TSPAN15: variants seen among roughly 807,000 people sequenced by gnomAD.
TSPAN15 encodes the protein tetraspanin-15.
TSPAN15 carries 20 observed loss-of-function variants against 34.5 expected under a neutral mutation model. The observed-to-expected ratio is 0.58, with a 90% CI of 0.41 to 0.84. The LOEUF (loss-of-function observed/expected upper bound fraction) is 0.84. TSPAN15 is among the 40% of genes least tolerant of loss of function. TSPAN15 has a pLI of 0.00. For missense variants in TSPAN15, 313 were observed against 386.1 expected (o/e 0.81, Z 1.59); for synonymous variants, 155 against 153.9 (o/e 1.01, Z -0.05).
At chr10:69,474,118 G>A (rs997619927) in intron 1 of TSPAN15, among the ~76,000 whole-genome samples, 6 of 152,038 alleles carry the variant, frequency 3.9e-5, no homozygotes, top group Non-Finnish European at 5.9e-5. Context: ...TCACATCCTC[G>A]GCTCCTGCTG....
intron 3 of TSPAN15, among the ~76,000 whole-genome samples, chr10:69,494,392 A>G (rs2133135684): frequency 6.6e-6 from 1 of 152,344 alleles, no homozygotes; most frequent in South Asian, 2.1e-4. Flanking sequence ...ACACCTTCAC[A>G]GCTTTTGTTT....
At chr10:69,528,989 G>A in the TSPAN15 span, among the ~76,000 whole-genome samples, 1 of 148,178 alleles carries the variant, frequency 6.7e-6, no homozygotes, top group African/African-American at 2.5e-5. Flanking sequence ...ACCCTCCCTG[G>A]CCTGAAGGTG....
downstream of TSPAN15, among the ~76,000 whole-genome samples, chr10:69,511,004 G>A (rs190197191): frequency 4.3e-4 from 65 of 152,228 alleles, no homozygotes; most frequent in African/African-American, 1.5e-3. Context: ...TTTTTGCATC[G>A]TTGTTCATCA....
intron 4 of TSPAN15, among the ~76,000 whole-genome samples, chr10:69,497,285 T>G (rs989928177): frequency 3.3e-5 from 5 of 152,182 alleles, no homozygotes; most frequent in African/African-American, 1.2e-4. Context: ...CAGCCCTGGT[T>G]GAGCCCTCCA....
At chr10:69,458,689 A>G (rs1841170710) in intron 1 of TSPAN15, among the ~76,000 whole-genome samples, 1 of 152,166 alleles carries the variant, frequency 6.6e-6, no homozygotes, top group African/African-American at 2.4e-5. Flanking sequence ...GTCTGGCCAC[A>G]GAGCCTTTAA....
chr10:69,530,812 CTCTCTCTCTATATATATATA>C, the TSPAN15 span, among the ~76,000 whole-genome samples: 411 of 66,654 alleles, frequency 6.2e-3, 5 homozygotes, highest in East Asian at 0.028. Flanking sequence ...CTCTCTCTCT[CTCTCTCTCTATATATATATA>C]TATATATATA....
chr10:69,494,516 G>C (rs1842035600), intron 3 of TSPAN15: 16 of 424,064 alleles, frequency 3.8e-5, no homozygotes, highest in Non-Finnish European at 5.0e-5. Context: ...GGTGGCTGTA[G>C]GGAGGTGTCC....
the TSPAN15 span, among the ~76,000 whole-genome samples, chr10:69,517,580 A>T: frequency 6.6e-6 from 1 of 152,194 alleles, no homozygotes; most frequent in Non-Finnish European, 1.5e-5. Flanking sequence ...CTGGATAGAG[A>T]GTGGGCAGTG....
At chr10:69,482,328 A>G (rs1841751444) in intron 1 of TSPAN15, among the ~76,000 whole-genome samples, 1 of 152,238 alleles carries the variant, frequency 6.6e-6, no homozygotes, top group Admixed American at 6.5e-5. Flanking sequence ...CCCTGGGGTG[A>G]GCACACATGG....
chr10:69,485,677 GAA>G (rs1482868864), intron 3 of TSPAN15, among the ~76,000 whole-genome samples: 2 of 152,122 alleles, frequency 1.3e-5, no homozygotes, highest in African/African-American at 4.8e-5. Flanking sequence ...TCTTATGTGG[GAA>G]GCGATGTGAC....
chr10:69,499,532 T>TATTCATTC (rs543895631), intron 5 of TSPAN15, among the ~76,000 whole-genome samples: 3 of 152,242 alleles, frequency 2.0e-5, no homozygotes, highest in Non-Finnish European at 2.9e-5. Flanking sequence ...GCCAAACTTG[T>TATTCATTC]ATTCATTCAT....
intron 1 of TSPAN15, among the ~76,000 whole-genome samples, chr10:69,453,899 TAA>T (rs568172424): frequency 3.2e-4 from 49 of 152,296 alleles, no homozygotes; most frequent in African/African-American, 1.1e-3. Context: ...TATTTCTGTT[TAA>T]AAGTCTCTAC....
In TSPAN15 at chr10:69,468,708, C is replaced by A. The variant is rs1195539955; in HGVS notation, c.97-14983C>A. 3.3e-5 allele frequency among the ~76,000 whole-genome samples: 5 copies of A among 151,894 alleles called. No individual in the cohort carries two copies. The East Asian group carries it at 7.7e-4, about 23-fold the overall frequency. On this transcript the variant is annotated intron_variant, in intron 1 of 7. Transcript: ENST00000373290. Reference sequence around the variant, plus strand: ...CGTTGTGACCCCACTCCTCTAAATACCCCAGCATTCGCCTTCCCAGAAAGG... The same window carrying A: ...CGTTGTGACCCCACTCCTCTAAATAACCCAGCATTCGCCTTCCCAGAAAGG...
chr10:69,488,387 A>C (rs932482111), intron 3 of TSPAN15, among the ~76,000 whole-genome samples: 8 of 152,134 alleles, frequency 5.3e-5, no homozygotes, highest in African/African-American at 1.9e-4. Flanking sequence ...TGATTTCCCA[A>C]TTCCATTTTT....
At chr10:69,478,713 G>T (rs769486716) in intron 1 of TSPAN15, among the ~76,000 whole-genome samples, 1 of 152,130 alleles carries the variant, frequency 6.6e-6, no homozygotes, top group Non-Finnish European at 1.5e-5. Flanking sequence ...GGATACAAAA[G>T]AAACCAGTTA....
At chr10:69,532,934 C>T in the TSPAN15 span, among the ~76,000 whole-genome samples, 2 of 152,196 alleles carry the variant, frequency 1.3e-5, no homozygotes, top group African/African-American at 4.8e-5. Context: ...AAATGCTCAG[C>T]ATCACCAACA....
the TSPAN15 span, among the ~76,000 whole-genome samples, chr10:69,517,602 C>G: frequency 6.6e-6 from 1 of 152,172 alleles, no homozygotes; most frequent in African/African-American, 2.4e-5. Flanking sequence ...GAGCAGGACA[C>G]AGGTTCCACC....
intron 3 of TSPAN15, among the ~76,000 whole-genome samples, chr10:69,489,556 A>G (rs558217082): frequency 6.6e-6 from 1 of 152,308 alleles, no homozygotes; most frequent in East Asian, 1.9e-4. Flanking sequence ...TGGTCCCTCC[A>G]TTTGGGGTCC....
the TSPAN15 span, among the ~76,000 whole-genome samples, chr10:69,522,787 T>G: frequency 6.8e-6 from 1 of 147,832 alleles, no homozygotes; most frequent in South Asian, 2.1e-4. Flanking sequence ...AAAATTATCT[T>G]CCATGAAACT....
Sources: allele counts gnomAD v4.1 joint callset (sites outside exome capture counted in the v4.1 genomes callset), GRCh38; gene constraint gnomAD v4.1.1; transcripts MANE v1.5; gene names NCBI Gene and HGNC (gene_info 2026-07-23, HGNC 2026-07-21).